The following LAMB1 variants were observed in gnomAD, a reference collection of about 807,000 sequenced individuals.
LAMB1 encodes laminin subunit beta-1.
In LAMB1, 121 loss-of-function variants were observed where a neutral mutation model predicts 222.3. The observed-to-expected ratio is 0.54, with a 90% CI of 0.47 to 0.63. The LOEUF is 0.63. Among genes scored for constraint, LAMB1 ranks in the 30% least tolerant of loss-of-function variants. The pLI is 0.00. For missense variants in LAMB1, 2,172 were observed against 2,240.8 expected (o/e 0.97, Z 0.62); for synonymous variants, 794 against 807.2 (o/e 0.98, Z 0.28).
intron 20 of LAMB1, among the ~76,000 whole-genome samples, chr7:107,957,484 G>A (rs1347755110): frequency 3.3e-5 from 5 of 152,230 alleles, no homozygotes; most frequent in Admixed American, 6.5e-5. Context: ...CGAGTCAGAG[G>A]TTGCAGTGAG....
intron 5 of LAMB1, among the ~76,000 whole-genome samples, chr7:107,987,708 G>T (rs1474820109): frequency 6.6e-6 from 1 of 152,100 alleles, no homozygotes; most frequent in Non-Finnish European, 1.5e-5. Flanking sequence ...CACCATGTTG[G>T]CCAGGCTGGT....
chr7:107,995,833 C>G (rs12705438), intron 4 of LAMB1, among the ~76,000 whole-genome samples: 97 of 152,010 alleles, frequency 6.4e-4, no homozygotes, highest in Middle Eastern at 3.4e-3. Context: ...GTCTTAAATG[C>G]GGAAAGACAG....
intron 13 of LAMB1, among the ~76,000 whole-genome samples, chr7:107,969,400 AG>A (rs1431076928): frequency 1.1e-4 from 16 of 152,130 alleles, no homozygotes; most frequent in Non-Finnish European, 8.8e-5. Flanking sequence ...CCTATTACTA[AG>A]GAATTAGGCA....
chr7:107,939,934 CT>C (rs2032939098), intron 25 of LAMB1, 54 bp downstream of exon 25: 2 of 1,563,684 alleles, frequency 1.3e-6, no homozygotes, highest in African/African-American at 1.4e-5. Flanking sequence ...TTGCTGTTAA[CT>C]CACAATATTT....
chr7:107,944,034 T>C (rs2033057021), intron 24 of LAMB1, among the ~76,000 whole-genome samples: 1 of 152,228 alleles, frequency 6.6e-6, no homozygotes. Flanking sequence ...TGGGGCCTAC[T>C]CACCCATCTC....
chr7:107,961,335 C>T lies in LAMB1; in HGVS notation c.1986-6G>A, dbSNP rs772089158. On this transcript the variant is annotated splice_region_variant and splice_polypyrimidine_tract_variant and intron_variant, in intron 16 of 33. Coordinates refer to ENST00000222399, the MANE Select transcript of LAMB1 (RefSeq NM_002291.3). ...GCCGAGGAAGGACGACATATCTGCC[C>T]CCAAACAAAAAAGAAAGACAACAAC... is the stretch of plus-strand genomic sequence containing the variant. The T allele has an allele frequency of 1.9e-5, 31 of 1,607,958 alleles. No individual in the cohort carries two copies. In the South Asian group the frequency reaches 3.5e-4, roughly 18 times the overall value.
At chr7:107,930,674 G>A (rs960571208) in intron 29 of LAMB1, among the ~76,000 whole-genome samples, 2 of 152,182 alleles carry the variant, frequency 1.3e-5, no homozygotes, top group Admixed American at 1.3e-4. Context: ...AAGATGCAAG[G>A]AATAGGTGGT....
chr7:107,971,633 C>T (rs1165668930), intron 13 of LAMB1, among the ~76,000 whole-genome samples: 2 of 152,198 alleles, frequency 1.3e-5, no homozygotes, highest in African/African-American at 4.8e-5. Flanking sequence ...CTAGAAAGAT[C>T]AGATGATTAC....
At chr7:107,979,950 G>T (rs145973180) in intron 8 of LAMB1, among the ~76,000 whole-genome samples, 1 of 152,154 alleles carries the variant, frequency 6.6e-6, no homozygotes, top group East Asian at 1.9e-4. Context: ...GCACATGCCT[G>T]TAATCCCAGC....
In LAMB1 at chr7:107,994,944, A is replaced by G. The variant is rs567915749; in HGVS notation, c.366T>C (p.Thr122=). The stretch of plus-strand genomic sequence containing the variant: ...ATTCTGCTTCCAAATCCAGTTGGAT[A>G]GTTACATTTTCCACACCTACAGGAG... ...WQSENGVENV[T]IQLDLEAEFH... The change falls in exon 5 of 34, where the codon ACT becomes ACC. Residue 122 remains threonine (T), a synonymous_variant. Transcript: ENST00000222399. 11 of 1,594,870 alleles carry G rather than the reference A, an allele frequency of 6.9e-6. No homozygotes were observed. The South Asian group carries it at 9.9e-5, about 14-fold the overall frequency.
intron 4 of LAMB1, 136 bp from the exon 5 acceptor site, chr7:107,995,096 C>G (rs558698853): frequency 3.6e-6 from 2 of 561,328 alleles, no homozygotes; most frequent in Admixed American, 3.0e-5. Context: ...TAAGCTGAAG[C>G]TGAAACTAAA....
chr7:108,003,017 A>G, intron 1 of LAMB1, 46 bp from the exon 2 acceptor site: 1 of 1,489,582 alleles, frequency 6.7e-7, no homozygotes, highest in Non-Finnish European at 8.9e-7. Context: ...GTTCAAAGAG[A>G]GAAGAGGCGC....
chr7:107,950,441 A>G (rs997171373), intron 24 of LAMB1, among the ~76,000 whole-genome samples: 1 of 152,244 alleles, frequency 6.6e-6, no homozygotes, highest in Non-Finnish European at 1.5e-5. Flanking sequence ...AAGATCTGAA[A>G]AATAATTTTC....
intron 5 of LAMB1, among the ~76,000 whole-genome samples, chr7:107,986,841 C>T (rs2034088532): frequency 1.3e-5 from 2 of 152,172 alleles, no homozygotes; most frequent in South Asian, 4.1e-4. Context: ...TTGCAATATG[C>T]TATGTCAAAC....
chr7:107,980,722 C>T lies in LAMB1; in HGVS notation c.766G>A (p.Glu256Lys), dbSNP rs2033955735. The T allele has an allele frequency of 6.2e-7, 1 of 1,613,456 alleles. No individual in the cohort carries two copies. The highest frequency in any genetic ancestry group is 8.5e-7 in the Non-Finnish European group (1 of 1,179,354). ...TCATAAACTGCATAATAATACTTTT[C>T]TCTGATTTCCATCCTGGAATCCAGA... ...NLLDSRMEIR[E>K]KYYYAVYDMV... Residue 256 changes from glutamate (E) to lysine (K), a missense_variant, in exon 8 of 34, where the codon GAA becomes AAA. Glu to Lys is a moderately conservative substitution (Grantham distance 56). Coordinates refer to ENST00000222399, the MANE Select transcript of LAMB1 (RefSeq NM_002291.3).
intron 27 of LAMB1, 51 bp downstream of exon 27, chr7:107,935,347 GTTTTTTTTTTTTTTTTT>G: frequency 8.5e-7 from 1 of 1,171,410 alleles, no homozygotes. Flanking sequence ...GTTTTTCTTT[GTTTTTTTTTTTTTTTTT>G]TTTTTTTTTG....
At chr7:107,986,996 C>A (rs2150447129) in intron 5 of LAMB1, among the ~76,000 whole-genome samples, 1 of 152,314 alleles carries the variant, frequency 6.6e-6, no homozygotes, top group Middle Eastern at 3.4e-3. Context: ...GACACTTGTA[C>A]ATGAATGTTC....
At chr7:107,931,224 A>G (rs1156613199) in intron 29 of LAMB1, 132 bp downstream of exon 29, 1 of 745,904 alleles carries the variant, frequency 1.3e-6, no homozygotes, top group African/African-American at 1.8e-5. Context: ...AAGTGGAAAC[A>G]TTTAATATAC....
chr7:107,953,463 A>G (rs980039682), intron 22 of LAMB1, 67 bp downstream of exon 22: 65 of 1,147,812 alleles, frequency 5.7e-5, no homozygotes, highest in Non-Finnish European at 8.5e-5. Flanking sequence ...GAAGAATAAA[A>G]TCTGCTGATA....
Sources: allele counts gnomAD v4.1 joint callset (sites outside exome capture counted in the v4.1 genomes callset), GRCh38; gene constraint gnomAD v4.1.1; transcripts MANE v1.5; gene names NCBI Gene and HGNC (gene_info 2026-07-23, HGNC 2026-07-21).